The following AKAP9 variants were observed in gnomAD, a reference collection of about 807,000 sequenced individuals.
AKAP9 encodes the protein A-kinase anchoring protein 9, also known as A-kinase anchor protein 9.
A neutral mutation model predicts 488.5 loss-of-function variants in AKAP9; 311 were observed. That is an observed-to-expected ratio of 0.64 (90% CI 0.58 to 0.70). AKAP9 has a LOEUF of 0.70. Among genes scored for constraint, AKAP9 ranks in the 30% least tolerant of loss-of-function variants. The pLI, the probability that AKAP9 is intolerant of heterozygous loss-of-function variation, is 0.00. For missense variants in AKAP9, 4,215 were observed against 4,374.5 expected (o/e 0.96, Z 1.03); for synonymous variants, 1,462 against 1,483.5 (o/e 0.99, Z 0.33).
chr7:92,062,514 C>T (rs1157348397), intron 24 of AKAP9, 28 bp downstream of exon 24: 22 of 1,585,472 alleles, frequency 1.4e-5, no homozygotes, highest in Non-Finnish European at 1.8e-5. Context: ...TTGTATGAAA[C>T]AGTCCTCTGA....
In AKAP9 at chr7:91,983,390, TC is replaced by T. The variant is rs1454615276; in HGVS notation, c.351+3058del. Among the ~76,000 whole-genome samples the T allele has an allele frequency of 8.5e-5, 13 of 152,320 alleles. No individual in the cohort carries two copies. The East Asian group carries it at 1.9e-3, about 23-fold the overall frequency. On this transcript the variant is annotated intron_variant, in intron 3 of 49. Transcript: ENST00000356239. Reference sequence around the variant, plus strand: ...TGCAAAGGACATGAACTCATCCTTTTCTATGGCTGCATAGTATTCCATGGTG... The same window carrying T: ...TGCAAAGGACATGAACTCATCCTTTTTATGGCTGCATAGTATTCCATGGTG...
At chr7:91,999,043 C>T (rs184007086) in intron 7 of AKAP9, among the ~76,000 whole-genome samples, 18 of 152,234 alleles carry the variant, frequency 1.2e-4, no homozygotes, top group African/African-American at 4.3e-4. Context: ...GATACCAAGG[C>T]ACAAGCTGAT....
chr7:91,999,033 G>A (rs978972741), intron 7 of AKAP9, among the ~76,000 whole-genome samples: 1 of 152,146 alleles, frequency 6.6e-6, no homozygotes, highest in African/African-American at 2.4e-5. Context: ...TGGGATATGT[G>A]ATACCAAGGC....
chr7:92,061,605 TATATATATATATATAA>T (rs1034990860), intron 23 of AKAP9, among the ~76,000 whole-genome samples, 183 bp downstream of exon 23: 3 of 141,554 alleles, frequency 2.1e-5, no homozygotes, highest in South Asian at 4.4e-4. Flanking sequence ...TATATATATA[TATATATATATATATAA>T]AATTATAAAA....
intron 1 of AKAP9, among the ~76,000 whole-genome samples, chr7:91,942,493 C>A (rs1790896818): frequency 6.6e-6 from 1 of 152,176 alleles, no homozygotes; most frequent in African/African-American, 2.4e-5. Flanking sequence ...CTTGTGCAAT[C>A]TGAGGGGCTG....
Position 92,038,612 on chromosome 7 carries a change from A to C in AKAP9, c.4532A>C (p.Lys1511Thr), listed in dbSNP as rs775281412. ...QTFETVDVKF[K>T]EEFKPLSKEL... is the part of the protein sequence containing the mutation. The stretch of plus-strand genomic sequence containing the variant: ...TTTGAGACAGTGGATGTGAAATTTA[A>C]AGAAGAATTTAAACCACTTAGTAAA... Residue 1511 changes from lysine to threonine, a missense_variant, in exon 17 of 50, where the codon AAA becomes ACA. Around this residue, in one of 5 missense-constraint regions of AKAP9, gnomAD observed 2,361 missense variants for 2,430.0 expected, o/e 0.97. Transcript: ENST00000356239. The C allele has an allele frequency of 6.2e-7, 1 of 1,613,884 alleles. No homozygotes were observed. Among genetic ancestry groups the C allele is most frequent in the Admixed American group, 1.7e-5 (1 of 60,010 alleles).
rs184797082 is a variant in AKAP9, at chr7:92,031,132, A to T, written c.4246-380A>T. ...AGTATTAATAAATACCAAGAAGAAA[A>T]CAAAATTTGCTTGTAAGTTTATGAG... is the stretch of plus-strand genomic sequence containing the variant. On this transcript the variant is annotated intron_variant, in intron 15 of 49. Coordinates refer to ENST00000356239, the MANE Select transcript of AKAP9 (RefSeq NM_005751.5). Among the ~76,000 whole-genome samples, 652 of 152,364 alleles carry T rather than the reference A, an allele frequency of 4.3e-3. 1 individual carries two copies. Among genetic ancestry groups the T allele is most frequent in the Non-Finnish European group, 7.0e-3 (476 of 68,032 alleles).
At chr7:91,952,475 T>C (rs1039474636) in intron 1 of AKAP9, among the ~76,000 whole-genome samples, 1 of 152,188 alleles carries the variant, frequency 6.6e-6, no homozygotes. Flanking sequence ...TGATTCTATC[T>C]TGGCAGTTAG....
intron 1 of AKAP9, among the ~76,000 whole-genome samples, chr7:91,956,611 T>G (rs1206726649): frequency 2.0e-5 from 3 of 152,144 alleles, no homozygotes; most frequent in Non-Finnish European, 4.4e-5. Context: ...ACTTCAGCGC[T>G]TTTTTCTTCA....
At position 92,093,862 on chromosome 7, in the gene AKAP9, T is replaced by C. The variant is rs1816069654; in HGVS notation, c.9578+546T>C. Reference sequence around the variant, plus strand: ...TTTATTTTATTTTATTTTTATTTAATTGTTTTGAGATGGAATCTCGCTCTG... The same window carrying C: ...TTTATTTTATTTTATTTTTATTTAACTGTTTTGAGATGGAATCTCGCTCTG... On this transcript the variant is annotated intron_variant, in intron 39 of 49. Coordinates refer to ENST00000356239, the MANE Select transcript of AKAP9 (RefSeq NM_005751.5). Among the ~76,000 whole-genome samples the C allele has an allele frequency of 4.6e-5, 7 of 152,188 alleles. No individual in the cohort carries two copies. The South Asian group carries it at 1.5e-3, about 32-fold the overall frequency.
intron 15 of AKAP9, 86 bp from the exon 16 acceptor site, chr7:92,031,426 C>G (rs1379046246): frequency 1.1e-6 from 1 of 938,090 alleles, no homozygotes; most frequent in Non-Finnish European, 1.7e-6. Flanking sequence ...AATACTGATA[C>G]TTTGGGGAGA....
intron 31 of AKAP9, among the ~76,000 whole-genome samples, chr7:92,082,308 A>G (rs1253214986): frequency 6.6e-6 from 1 of 152,170 alleles, no homozygotes; most frequent in Non-Finnish European, 1.5e-5. Context: ...CCAGAAAATC[A>G]TTCTTTTCTC....
chr7:92,062,529 AT>A (rs774209492), intron 24 of AKAP9, 43 bp downstream of exon 24: 2 of 1,557,074 alleles, frequency 1.3e-6, no homozygotes, highest in African/African-American at 2.7e-5. Flanking sequence ...CTCTGATTTT[AT>A]TTGTATTCTT....
At chr7:92,005,636 A>G (rs1393454584) in intron 8 of AKAP9, among the ~76,000 whole-genome samples, 3 of 152,082 alleles carry the variant, frequency 2.0e-5, no homozygotes, top group Non-Finnish European at 4.4e-5. Context: ...GCCTAAATAG[A>G]GTCAAGAAAT....
rs758496932 is a variant in AKAP9 at position 92,001,083 on chromosome 7, A to C, written c.1166A>C (p.Gln389Pro). ...ACTAATTCTAAGCAAAAAGAAAGACAGTCTTCTGAAGAAATAAAACAGTTA... is the reference window on the plus strand; with the variant it reads ...ACTAATTCTAAGCAAAAAGAAAGACCGTCTTCTGAAGAAATAAAACAGTTA... ...ELTNSKQKER[Q>P]SSEEIKQLMG... Residue 389 changes from glutamine (Q) to proline (P), a missense_variant, in exon 8 of 50, where the codon CAG becomes CCG. Around this residue, in one of 5 missense-constraint regions of AKAP9, gnomAD observed 2,361 missense variants for 2,430.0 expected, o/e 0.97. Transcript: ENST00000356239. 5.6e-6 allele frequency: 9 copies of C among 1,613,664 alleles called. 1 individual carries two copies. The South Asian group carries it at 9.9e-5, about 18-fold the overall frequency.
At chr7:91,941,300 T>C in intron 1 of AKAP9, 153 bp downstream of exon 1, 1 of 647,818 alleles carries the variant, frequency 1.5e-6, no homozygotes, top group South Asian at 2.0e-5. Flanking sequence ...CTCCTCGCCC[T>C]CCTCCTTTCC....
chr7:92,075,170 A>G (rs1812375897), intron 28 of AKAP9, among the ~76,000 whole-genome samples: 1 of 152,162 alleles, frequency 6.6e-6, no homozygotes, highest in Non-Finnish European at 1.5e-5. Flanking sequence ...TGCCAACTCT[A>G]CTGCTCTCGA....
chr7:92,099,697 T>A lies in AKAP9; in HGVS notation c.10724T>A (p.Val3575Glu). Residue 3575 changes from valine (V) to glutamate (E), a missense_variant, in exon 44 of 50, where the codon GTG (valine) becomes GAG (glutamate). This residue lies in a region of AKAP9 where 1,476 missense variants were observed against 1,477.4 expected (regional missense o/e 1.00). Transcript: ENST00000356239. ...TGQQGEEPSL[V>E]SPSTSCGSLT... ...ATTTTATTTTTCCAGCCCAGCTTGG[T>A]GTCCCCAAGTACTTCTTGTGGCTCA... 6.2e-7 allele frequency: 1 copy of A among 1,614,090 alleles called. No homozygotes were observed. Among genetic ancestry groups the A allele is most frequent in the South Asian group, 1.1e-5 (1 of 91,082 alleles).
chr7:91,940,990 G>A lies in AKAP9; in HGVS notation c.-110G>A, dbSNP rs754714695. The A allele has an allele frequency of 4.3e-6, 5 of 1,152,880 alleles. No homozygotes were observed. Among genetic ancestry groups the A allele is most frequent in the Non-Finnish European group, 6.6e-6 (5 of 761,642 alleles). The allele number at this position is 1,152,880 out of a possible 1,614,324, so 71.4% of individuals were successfully genotyped here. A position where few individuals can be genotyped will look rare whatever the true frequency, so the allele number is the denominator to read the frequency against. ...GGCGGGGGAGCGCCGGACCGAATCG[G>A]CTCTCTAGGCCGTGGAGCTTGCCGT... On this transcript the variant is annotated 5_prime_UTR_variant, in exon 1 of 50. Coordinates refer to ENST00000356239, the MANE Select transcript of AKAP9 (RefSeq NM_005751.5).
Sources: allele counts gnomAD v4.1 joint callset (sites outside exome capture counted in the v4.1 genomes callset), GRCh38; gene constraint gnomAD v4.1.1; regional missense constraint gnomAD v4.1.1; transcripts MANE v1.5; gene names NCBI Gene and HGNC (gene_info 2026-07-23, HGNC 2026-07-21).